INSR: variants seen among roughly 807,000 people sequenced by gnomAD.
The protein encoded by INSR is IR.
A neutral mutation model predicts 142.6 loss-of-function variants in INSR; 67 were observed. The ratio of observed to expected loss-of-function variants is 0.47; its 90% CI spans 0.39 to 0.58. INSR has a LOEUF of 0.58. INSR is among the 20% of genes least tolerant of loss of function. The pLI is 0.00. For missense variants in INSR, 1,248 were observed against 1,833.2 expected, an observed-to-expected ratio of 0.68 and a Z score of 5.83; for synonymous variants, 756 against 743.1, an observed-to-expected ratio of 1.02 and a Z score of -0.28.
intron 2 of INSR, among the ~76,000 whole-genome samples, chr19:7,239,216 A>T (rs777335247): frequency 6.6e-5 from 10 of 152,220 alleles, no homozygotes; most frequent in Non-Finnish European, 1.3e-4. Context: ...GACAGCAGCA[A>T]AGCATTTCCG....
At chr19:7,152,405 G>GA (rs77282303) in intron 10 of INSR, 194 of 338,820 alleles carry the variant, frequency 5.7e-4, no homozygotes, top group South Asian at 1.5e-3. Flanking sequence ...GAGAGAGAGA[G>GA]AAAAAAAAAA....
intron 2 of INSR, among the ~76,000 whole-genome samples, chr19:7,255,311 T>C (rs1212714623): frequency 6.6e-6 from 1 of 152,084 alleles, no homozygotes; most frequent in African/African-American, 2.4e-5. Context: ...TCAGTATTGG[T>C]GGAAACAGCC....
chr19:7,284,544 T>G lies in INSR; in HGVS notation c.100+9248A>C, dbSNP rs141467227. Among the ~76,000 whole-genome samples, 1,237 of 151,958 alleles carry G rather than the reference T, an allele frequency of 8.1e-3. 20 individuals carry two copies. Among genetic ancestry groups the G allele is most frequent in the African/African-American group, 0.027 (1,104 of 41,418 alleles). ...GGACTCAGGTTTTTTTGTTGTTGTTTTTTGTTTTGAGTCTCACCCTGTCAC... is the reference window on the plus strand; with the variant it reads ...GGACTCAGGTTTTTTTGTTGTTGTTGTTTGTTTTGAGTCTCACCCTGTCAC... On this transcript the variant is annotated intron_variant, in intron 1 of 21. Transcript: ENST00000302850.
chr19:7,175,513 C>T (rs914437707), intron 3 of INSR, among the ~76,000 whole-genome samples: 5 of 152,132 alleles, frequency 3.3e-5, no homozygotes, highest in African/African-American at 1.2e-4. Context: ...CTGCCAGTAG[C>T]ATCCCTCCCA....
At chr19:7,234,786 G>A (rs559074964) in intron 2 of INSR, among the ~76,000 whole-genome samples, 48 of 152,238 alleles carry the variant, frequency 3.2e-4, no homozygotes, top group Admixed American at 9.2e-4. Context: ...TGGGCCCGGC[G>A]CAGTGGCTCA....
At chr19:7,290,451 A>AT (rs1307068301) in intron 1 of INSR, among the ~76,000 whole-genome samples, 1 of 151,474 alleles carries the variant, frequency 6.6e-6, no homozygotes, top group Non-Finnish European at 1.5e-5. Flanking sequence ...AATCACACTG[A>AT]TTTTCCTCCA....
At chr19:7,197,840 G>GAGAGAAAA (rs1328832834) in intron 2 of INSR, among the ~76,000 whole-genome samples, 1 of 142,492 alleles carries the variant, frequency 7.0e-6, no homozygotes, top group African/African-American at 2.7e-5. Context: ...GAGAACGAGA[G>GAGAGAAAA]AGAGAGAGAG....
chr19:7,206,641 G>A (rs189221952), intron 2 of INSR, among the ~76,000 whole-genome samples: 7 of 152,148 alleles, frequency 4.6e-5, no homozygotes, highest in Admixed American at 3.3e-4. Flanking sequence ...ACTGTCTCCC[G>A]TCACCACCAA....
chr19:7,184,259 C>T, intron 3 of INSR, 57 bp downstream of exon 3: 1 of 1,509,518 alleles, frequency 6.6e-7, no homozygotes, highest in Non-Finnish European at 9.2e-7. Context: ...ATCGTCACAA[C>T]CAACCCCACG....
rs1316283607 is a variant in INSR at position 7,115,823 on chromosome 19, C to G, written c.*1233G>C. On this transcript the variant is annotated 3_prime_UTR_variant, in exon 22 of 22. Transcript: ENST00000302850. The stretch of plus-strand genomic sequence containing the variant: ...TCCATAAAACCTAGTCTCTCACACA[C>G]TCCACGTGGCCTCACAACATCCAAA... 4 of 152,374 alleles carry G rather than the reference C, an allele frequency of 2.6e-5. No homozygotes were observed. The East Asian group carries it at 7.8e-4, about 30-fold the overall frequency. The allele number at this position is 152,374 out of a possible 1,614,324, so 9.4% of individuals were successfully genotyped here. A position where few individuals can be genotyped will look rare whatever the true frequency, so the allele number is the denominator to read the frequency against.
At position 7,192,074 on chromosome 19, in the gene INSR, AAGAG is replaced by A. The variant is rs916599491; in HGVS notation, c.653-7441_653-7438del. 6.6e-6 allele frequency among the ~76,000 whole-genome samples: 1 copy of A among 150,878 alleles called. No homozygotes were observed. The highest frequency in any genetic ancestry group is 1.9e-4 in the East Asian group (1 of 5,178). ...GGAGGGAGAAAGAAAGAAGGAAAGA[AAGAG>A]AGAAAGAAGAAAGAATACAGAAAGA... On this transcript the variant is annotated intron_variant, in intron 2 of 21. Coordinates refer to ENST00000302850, the MANE Select transcript of INSR (RefSeq NM_000208.4). The surrounding 1 kb of genome is among the most constrained non-coding windows in gnomAD (Gnocchi z 4.2).
At chr19:7,287,600 G>C (rs920310428) in intron 1 of INSR, among the ~76,000 whole-genome samples, 4 of 152,152 alleles carry the variant, frequency 2.6e-5, no homozygotes, top group Admixed American at 2.0e-4. Flanking sequence ...CAATATAGCT[G>C]TTTAAATAAA....
intron 11 of INSR, among the ~76,000 whole-genome samples, chr19:7,149,024 G>A (rs554391893): frequency 6.6e-6 from 1 of 152,150 alleles, no homozygotes; most frequent in East Asian, 1.9e-4. Context: ...CGAACTCCTG[G>A]CCTCAAGTGA....
chr19:7,290,143 G>T (rs1167477954), intron 1 of INSR, among the ~76,000 whole-genome samples: 1 of 152,202 alleles, frequency 6.6e-6, no homozygotes, highest in Non-Finnish European at 1.5e-5. Context: ...CGTGGCTCAT[G>T]CCTGTGATCC....
chr19:7,275,518 C>T (rs1345769824), intron 1 of INSR, among the ~76,000 whole-genome samples: 4 of 151,922 alleles, frequency 2.6e-5, no homozygotes, highest in South Asian at 2.1e-4. Context: ...TGCGGTGGCT[C>T]ACGCCTGTAA....
At chr19:7,200,226 A>T (rs1310345587) in intron 2 of INSR, among the ~76,000 whole-genome samples, 1 of 152,190 alleles carries the variant, frequency 6.6e-6, no homozygotes, top group Non-Finnish European at 1.5e-5. Context: ...TGGTAGATGG[A>T]TGAGGAAGTT....
At chr19:7,218,685 C>A (rs1975510355) in intron 2 of INSR, among the ~76,000 whole-genome samples, 1 of 152,114 alleles carries the variant, frequency 6.6e-6, no homozygotes. Context: ...GGATCAGAGG[C>A]ACCCGCTGCC....
At chr19:7,178,211 G>A (rs1974185517) in intron 3 of INSR, among the ~76,000 whole-genome samples, 1 of 127,864 alleles carries the variant, frequency 7.8e-6, no homozygotes, top group African/African-American at 3.1e-5. Flanking sequence ...GAATGCTTTT[G>A]TTAGGAGTGT....
chr19:7,150,363 G>A lies in INSR; in HGVS notation c.2267+134C>T. 1.3e-6 allele frequency: 1 copy of A among 740,920 alleles called. No individual in the cohort carries two copies. The highest frequency in any genetic ancestry group is 2.1e-5 in the Admixed American group (1 of 47,358). 45.9% of individuals were successfully genotyped at this position (740,920 alleles called of 1,614,324 possible). A position where few individuals can be genotyped will look rare whatever the true frequency, so the allele number is the denominator to read the frequency against. ...GGCATTGGATTTCTGAATTGGTGAAGCATCTGCTCTCCAGCACAGCTGCCC... is the reference window on the plus strand; with the variant it reads ...GGCATTGGATTTCTGAATTGGTGAAACATCTGCTCTCCAGCACAGCTGCCC... On this transcript the variant is annotated intron_variant, in intron 11 of 21. Coordinates refer to ENST00000302850, the MANE Select transcript of INSR (RefSeq NM_000208.4). This position sits in a 1 kb window ranked among gnomAD's most constrained non-coding sequence, Gnocchi z 4.2.
Sources: allele counts gnomAD v4.1 joint callset (sites outside exome capture counted in the v4.1 genomes callset), GRCh38; gene constraint gnomAD v4.1.1; non-coding constraint Gnocchi (gnomAD v3.1); transcripts MANE v1.5; gene names NCBI Gene and HGNC (gene_info 2026-07-23, HGNC 2026-07-21).